PLCE1: variants seen among roughly 807,000 people sequenced by gnomAD.
PLCE1 encodes 1-phosphatidylinositol 4,5-bisphosphate phosphodiesterase epsilon-1.
PLCE1 carries 119 observed loss-of-function variants against 242.8 expected under a neutral mutation model. The observed-to-expected ratio is 0.49, with a 90% CI of 0.42 to 0.57. The LOEUF (loss-of-function observed/expected upper bound fraction) is 0.57. PLCE1 is among the 20% of genes least tolerant of loss of function. The pLI, the probability that PLCE1 is intolerant of heterozygous loss-of-function variation, is 0.00. For missense variants in PLCE1, 2,441 were observed against 2,788.8 expected (o/e 0.88, Z 2.81); for synonymous variants, 945 against 1,017.4 (o/e 0.93, Z 1.35).
intron 32 of PLCE1, among the ~76,000 whole-genome samples, chr10:94,326,912 G>A (rs1198644104): frequency 6.6e-6 from 1 of 152,158 alleles, no homozygotes; most frequent in Non-Finnish European, 1.5e-5. Context: ...TGTAATCCCA[G>A]CACTTTGGGA....
intron 4 of PLCE1, among the ~76,000 whole-genome samples, chr10:94,183,351 T>C (rs1324655892): frequency 6.6e-6 from 1 of 152,148 alleles, no homozygotes; most frequent in Non-Finnish European, 1.5e-5. Flanking sequence ...GCATGGGGAA[T>C]ATGGCACAGA....
chr10:94,047,536 A>G (rs1324629170), intron 2 of PLCE1, among the ~76,000 whole-genome samples: 1 of 152,232 alleles, frequency 6.6e-6, no homozygotes. Context: ...TCTCAATAGA[A>G]TTGAAATTTT....
intron 32 of PLCE1, 43 bp from the exon 33 acceptor site, chr10:94,327,925 T>C (rs149647941): frequency 6.4e-4 from 331 of 517,676 alleles, no homozygotes; most frequent in African/African-American, 5.9e-3. Flanking sequence ...TTCTGTTTCT[T>C]CATTTTCAGT....
intron 2 of PLCE1, among the ~76,000 whole-genome samples, chr10:94,072,248 A>G (rs570026209): frequency 6.6e-6 from 1 of 151,922 alleles, no homozygotes; most frequent in East Asian, 1.9e-4. Context: ...TGCCTGAATT[A>G]CCCATTTCTT....
intron 2 of PLCE1, among the ~76,000 whole-genome samples, chr10:94,033,934 A>G (rs931147145): frequency 1.3e-5 from 2 of 152,136 alleles, no homozygotes; most frequent in Non-Finnish European, 2.9e-5. Context: ...TCATTGTATT[A>G]GTCTGTTCTC....
intron 1 of PLCE1, among the ~76,000 whole-genome samples, chr10:93,998,474 C>T (rs1043131777): frequency 2.6e-5 from 4 of 152,138 alleles, no homozygotes; most frequent in African/African-American, 7.2e-5. Flanking sequence ...ACACTCTATT[C>T]GTAAATACAA....
chr10:94,013,866 TG>T (rs1220214570), intron 1 of PLCE1, among the ~76,000 whole-genome samples: 1 of 151,458 alleles, frequency 6.6e-6, no homozygotes, highest in African/African-American at 2.4e-5. Flanking sequence ...AGATGATCCC[TG>T]GGGGGGCTAA....
At chr10:94,326,212 G>C (rs1451021469) in intron 32 of PLCE1, among the ~76,000 whole-genome samples, 1 of 152,198 alleles carries the variant, frequency 6.6e-6, no homozygotes, top group Non-Finnish European at 1.5e-5. Context: ...ATGTGACAGA[G>C]CTTCACCATC....
intron 2 of PLCE1, among the ~76,000 whole-genome samples, chr10:94,036,403 A>G (rs2061664757): frequency 6.6e-6 from 1 of 152,214 alleles, no homozygotes; most frequent in South Asian, 2.1e-4. Context: ...TGCTGTTTGT[A>G]CAATTAATTC....
chr10:94,171,318 A>G lies in PLCE1; in HGVS notation c.1631A>G (p.Gln544Arg), dbSNP rs1436302444. 1.2e-6 allele frequency: 2 copies of G among 1,614,206 alleles called. No homozygotes were observed. The highest frequency in any genetic ancestry group is 1.7e-6 in the Non-Finnish European group (2 of 1,180,022). The change falls in exon 4 of 33, where the codon CAG (glutamine) becomes CGG (arginine). Residue 544 changes from glutamine (Q) to arginine (R), a missense_variant. Coordinates refer to ENST00000371380, the MANE Select transcript of PLCE1 (RefSeq NM_016341.4). ...EVASILMEQE[Q>R]TIYRRVLPVD... ...GCCAGCATCCTGATGGAGCAAGAGC[A>G]GACTATTTACCGCAGGGTCTTGCCA...
chr10:94,298,481 T>A lies in PLCE1; in HGVS notation c.5270T>A (p.Ile1757Asn). Residue 1757 changes from isoleucine to asparagine, a missense_variant, in exon 24 of 33, where the codon ATC (isoleucine) becomes AAC (asparagine). Coordinates refer to ENST00000371380, the MANE Select transcript of PLCE1 (RefSeq NM_016341.4). The surrounding 1 kb of genome is among the most constrained non-coding windows in gnomAD (Gnocchi z 5.2). ...ATTAGAACTCCCAAATGTTATCATA[T>A]CTCGTCGCTGAATGAAAATGCCGCC... ...AIIRTPKCYH[I>N]SSLNENAAKR... The A allele has an allele frequency of 6.2e-7, 1 of 1,614,094 alleles. No homozygotes were observed. The highest frequency in any genetic ancestry group is 1.1e-5 in the South Asian group (1 of 91,074).
At chr10:94,272,675 C>T (rs1405315827) in intron 18 of PLCE1, among the ~76,000 whole-genome samples, 1 of 152,194 alleles carries the variant, frequency 6.6e-6, no homozygotes, top group African/African-American at 2.4e-5. Context: ...ACGGCTCCAG[C>T]TGGTCCCTCC....
intron 10 of PLCE1, 48 bp downstream of exon 10, chr10:94,254,355 G>T: frequency 8.0e-7 from 1 of 1,253,130 alleles, no homozygotes; most frequent in East Asian, 2.3e-5. Flanking sequence ...TAATTTTTGT[G>T]GGAAAAAAAG....
At chr10:94,121,587 C>T (rs1482918103) in intron 2 of PLCE1, among the ~76,000 whole-genome samples, 1 of 152,156 alleles carries the variant, frequency 6.6e-6, no homozygotes, top group African/African-American at 2.4e-5. Context: ...TGTCTTATCC[C>T]TTTGAATGCT....
intron 8 of PLCE1, among the ~76,000 whole-genome samples, chr10:94,248,407 C>T (rs1048153153): frequency 1.6e-4 from 25 of 152,096 alleles, no homozygotes; most frequent in Non-Finnish European, 3.1e-4. Context: ...TCGAGACCAG[C>T]CTGGCCAACA....
intron 2 of PLCE1, among the ~76,000 whole-genome samples, chr10:94,065,531 G>A (rs1425276142): frequency 1.3e-5 from 2 of 152,102 alleles, no homozygotes; most frequent in Non-Finnish European, 2.9e-5. Flanking sequence ...TCACTCTGTT[G>A]TACTTTAGTC....
intron 3 of PLCE1, among the ~76,000 whole-genome samples, chr10:94,149,068 C>T (rs1326977407): frequency 6.6e-6 from 1 of 152,160 alleles, no homozygotes; most frequent in Non-Finnish European, 1.5e-5. Flanking sequence ...GAAGATTTAG[C>T]ATCACTGGGA....
At chr10:93,995,054 C>A (rs77497030) in intron 1 of PLCE1, among the ~76,000 whole-genome samples, 4,332 of 152,088 alleles carry the variant, frequency 0.028, 108 homozygotes, top group Non-Finnish European at 0.04. Flanking sequence ...TTTCTTATAC[C>A]CCCCGTAGAG....
At chr10:94,083,082 A>G (rs967019839) in intron 2 of PLCE1, among the ~76,000 whole-genome samples, 1 of 152,218 alleles carries the variant, frequency 6.6e-6, no homozygotes, top group African/African-American at 2.4e-5. Context: ...TCCTGATAAG[A>G]AGGAATCACA....
Sources: gnomAD v4.1 joint callset for allele counts (sites outside exome capture counted in the v4.1 genomes callset) on GRCh38, gnomAD v4.1.1 for gene constraint, Gnocchi (gnomAD v3.1) non-coding constraint, MANE v1.5 for transcripts, NCBI Gene and HGNC (gene_info 2026-07-23, HGNC 2026-07-21) for gene names.